Variants in JAM3 observed in about 807,000 individuals in gnomAD.
JAM3 encodes the protein junctional adhesion molecule 3.
In JAM3, 31 loss-of-function variants were observed where a neutral mutation model predicts 39.4. That is an observed-to-expected ratio of 0.79 (90% CI 0.59 to 1.06). The LOEUF is 1.06. JAM3 is among the 50% of genes least tolerant of loss of function. The probability of loss-of-function intolerance (pLI) is 0.00; values close to 1 mark genes in which losing one functional copy is unlikely to be tolerated. For missense variants in JAM3, 455 were observed against 391.4 expected (o/e 1.16, Z -1.37); for synonymous variants, 182 against 148.7 (o/e 1.22, Z -1.63).
At chr11:134,091,319 C>T (rs1229439240) in intron 1 of JAM3, among the ~76,000 whole-genome samples, 2 of 152,050 alleles carry the variant, frequency 1.3e-5, no homozygotes, top group East Asian at 3.9e-4. Context: ...CACTGTGAAA[C>T]CCTGTCTCTA....
At chr11:134,109,090 G>A (rs1381385507) in intron 1 of JAM3, among the ~76,000 whole-genome samples, 1 of 152,048 alleles carries the variant, frequency 6.6e-6, no homozygotes, top group African/African-American at 2.4e-5. Flanking sequence ...CCGTGTAGCT[G>A]GGACTACAGG....
At chr11:134,087,077 T>A (rs1941756893) in intron 1 of JAM3, among the ~76,000 whole-genome samples, 1 of 152,102 alleles carries the variant, frequency 6.6e-6, no homozygotes, top group Admixed American at 6.6e-5. Context: ...AGTACTGGGA[T>A]TACAGGTGTG....
In JAM3 at chr11:134,144,957, ATTC is replaced by A. The variant is rs746994626; in HGVS notation, c.581_583del (p.Ser194del). The A allele has an allele frequency of 1.5e-5, 25 of 1,614,076 alleles. No homozygotes were observed. The highest frequency in any genetic ancestry group is 2.2e-5 in the East Asian group (1 of 44,886). On this transcript the variant is annotated inframe_deletion, in exon 5 of 9. Coordinates refer to ENST00000299106, the MANE Select transcript of JAM3 (RefSeq NM_032801.5). ...TCCAGAGCCAATCCCAGATTTCGCA[ATTC>A]TTCTTTCCACTTAAACTCTGAAACA...
At chr11:134,133,791 A>G (rs1161426788) in intron 1 of JAM3, among the ~76,000 whole-genome samples, 2 of 152,058 alleles carry the variant, frequency 1.3e-5, no homozygotes, top group African/African-American at 2.4e-5. Flanking sequence ...ACACCTTACC[A>G]CCACAACACT....
intron 1 of JAM3, among the ~76,000 whole-genome samples, chr11:134,105,842 TAA>T (rs1458950170): frequency 6.6e-6 from 1 of 152,030 alleles, no homozygotes; most frequent in South Asian, 2.1e-4. Context: ...CTCAACGAAA[TAA>T]AAGAGGACAC....
At chr11:134,140,027 C>T (rs1480259860) in intron 2 of JAM3, 111 bp downstream of exon 2, 17 of 873,286 alleles carry the variant, frequency 1.9e-5, no homozygotes, top group African/African-American at 3.3e-5. Context: ...GGAGATGTTC[C>T]GGGTGGACTG....
chr11:134,149,718 C>A lies in JAM3; in HGVS notation c.*537C>A. 1 of 449,760 alleles carries A rather than the reference C, an allele frequency of 2.2e-6. No homozygotes were observed. The highest frequency in any genetic ancestry group is 4.4e-6 in the Non-Finnish European group (1 of 224,988). 27.9% of individuals were successfully genotyped at this position (449,760 alleles called of 1,614,324 possible). A position where few individuals can be genotyped will look rare whatever the true frequency, so the allele number is the denominator to read the frequency against. On this transcript the variant is annotated 3_prime_UTR_variant, in exon 9 of 9. Transcript: ENST00000299106. ...CTCTGCTGATCGGTGTTGCAGTGTC[C>A]ATTGTGGAGAAGCTTTTTGGATCAG...
intron 5 of JAM3, 152 bp from the exon 6 acceptor site, chr11:134,145,794 T>G: frequency 2.9e-6 from 2 of 695,936 alleles, no homozygotes; most frequent in South Asian, 3.0e-5. Context: ...CAGGCAGGTA[T>G]CAGGGAGTGG....
At chr11:134,124,444 A>G (rs1942603263) in intron 1 of JAM3, 4 of 526,338 alleles carry the variant, frequency 7.6e-6, no homozygotes, top group South Asian at 2.3e-5. Context: ...AATGCCTATT[A>G]TCAATCAGTG....
intron 1 of JAM3, among the ~76,000 whole-genome samples, chr11:134,138,177 C>G (rs866133716): frequency 1.2e-4 from 15 of 121,338 alleles, no homozygotes; most frequent in South Asian, 2.7e-4. Flanking sequence ...GGTGGCGTCT[C>G]GTCGAAGTCG....
chr11:134,121,813 A>ATG (rs796907784), intron 1 of JAM3, among the ~76,000 whole-genome samples: 2,357 of 131,170 alleles, frequency 0.018, 57 homozygotes, highest in African/African-American at 0.072. Flanking sequence ...CACTGCGTGC[A>ATG]TGTGTGCGCA....
rs1407589399 is a variant in JAM3 at position 134,094,961 on chromosome 11, C to T, written c.76+25802C>T. 2.6e-5 allele frequency among the ~76,000 whole-genome samples: 4 copies of T among 152,312 alleles called. No homozygotes were observed. The East Asian group carries it at 5.8e-4, about 22-fold the overall frequency. ...TGAGGAAATAGGCAGCAGTCTGCTT[C>T]CTTCATATGTAACACGTATGTTAAA... On this transcript the variant is annotated intron_variant, in intron 1 of 8. Transcript: ENST00000299106.
Position 134,144,757 on chromosome 11 carries a change from C to T in JAM3, c.410-35C>T. 1.9e-6 allele frequency: 3 copies of T among 1,553,108 alleles called. No homozygotes were observed. In the South Asian group the frequency reaches 3.3e-5, roughly 17 times the overall value. On this transcript the variant is annotated intron_variant, in intron 4 of 8. Coordinates refer to ENST00000299106, the MANE Select transcript of JAM3 (RefSeq NM_032801.5). ...CTTTAATAAGAATAGAGCCCTGTCA[C>T]TGAGATCTTAAACACCACCCCTTTT...
chr11:134,113,299 C>T (rs1411929296), intron 1 of JAM3, among the ~76,000 whole-genome samples: 2 of 151,678 alleles, frequency 1.3e-5, no homozygotes, highest in African/African-American at 2.4e-5. Flanking sequence ...CCCATTAACT[C>T]GTCATTTACA....
intron 4 of JAM3, 39 bp from the exon 5 acceptor site, chr11:134,144,753 G>A (rs752632487): frequency 1.9e-6 from 3 of 1,542,512 alleles, no homozygotes; most frequent in African/African-American, 2.9e-5. Context: ...ATAGAGCCCT[G>A]TCACTGAGAT....
intron 1 of JAM3, among the ~76,000 whole-genome samples, chr11:134,110,001 T>C (rs1156338395): frequency 6.6e-6 from 1 of 152,204 alleles, no homozygotes; most frequent in Non-Finnish European, 1.5e-5. Context: ...CACTCTAAAA[T>C]GGCAGAGTTG....
chr11:134,086,189 A>G (rs542637962), intron 1 of JAM3, among the ~76,000 whole-genome samples: 182 of 152,318 alleles, frequency 1.2e-3, no homozygotes, highest in African/African-American at 4.0e-3. Flanking sequence ...TTGTGCAAAT[A>G]TAAAATGTTA....
intron 3 of JAM3, 114 bp downstream of exon 3, chr11:134,140,884 CG>C: frequency 3.1e-6 from 4 of 1,303,258 alleles, no homozygotes; most frequent in Admixed American, 2.8e-5. Context: ...TAGCTAGGAC[CG>C]TTTTTTTTTT....
chr11:134,127,724 T>G (rs767058117), intron 1 of JAM3, among the ~76,000 whole-genome samples: 41 of 152,302 alleles, frequency 2.7e-4, no homozygotes, highest in Non-Finnish European at 5.1e-4. Flanking sequence ...CTTGATGCCT[T>G]TGAAAATAAA....
Sources: gnomAD v4.1 joint callset for allele counts (sites outside exome capture counted in the v4.1 genomes callset) on GRCh38, gnomAD v4.1.1 for gene constraint, MANE v1.5 for transcripts, NCBI Gene and HGNC (gene_info 2026-07-23, HGNC 2026-07-21) for gene names.